The following ANKS1B variants were observed in gnomAD, a reference collection of about 807,000 sequenced individuals.
ANKS1B encodes ankyrin repeat and sterile alpha motif domain containing 1B.
A neutral mutation model predicts 148.3 loss-of-function variants in ANKS1B; 36 were observed. That is an observed-to-expected ratio of 0.24 (90% CI 0.19 to 0.32). ANKS1B has a LOEUF of 0.32. Ranked by LOEUF, ANKS1B falls within the 10% of genes least tolerant of loss-of-function variation. The pLI, the probability that ANKS1B is intolerant of heterozygous loss-of-function variation, is 1.00. For synonymous variants in ANKS1B, 542 were observed against 560.8 expected (o/e 0.97, Z 0.47); for missense variants, 1,157 against 1,542.6 (o/e 0.75, Z 4.19).
chr12:99,354,155 G>A (rs1191639033), intron 12 of ANKS1B, among the ~76,000 whole-genome samples: 1 of 151,908 alleles, frequency 6.6e-6, no homozygotes. Flanking sequence ...TTAATAAATG[G>A]GTCTATACAA....
At chr12:98,760,196 TC>T (rs760368223) in intron 25 of ANKS1B, among the ~76,000 whole-genome samples, 204 of 152,346 alleles carry the variant, frequency 1.3e-3, no homozygotes, top group Non-Finnish European at 2.4e-3. Flanking sequence ...ATGTTTACAG[TC>T]ATAAAATAAT....
intron 9 of ANKS1B, among the ~76,000 whole-genome samples, chr12:99,635,402 C>A (rs899230352): frequency 6.6e-6 from 1 of 152,094 alleles, no homozygotes; most frequent in African/African-American, 2.4e-5. Flanking sequence ...TATATACACA[C>A]AATGGAATAT....
chr12:99,524,997 G>T (rs538629948), intron 9 of ANKS1B, among the ~76,000 whole-genome samples: 3 of 152,252 alleles, frequency 2.0e-5, no homozygotes, highest in African/African-American at 4.8e-5. Flanking sequence ...GAAAAGGCAG[G>T]AAAACAGATT....
chr12:98,755,195 G>T (rs2098204670), intron 25 of ANKS1B, among the ~76,000 whole-genome samples: 1 of 152,126 alleles, frequency 6.6e-6, no homozygotes, highest in East Asian at 1.9e-4. Flanking sequence ...TTTTTTTGTA[G>T]GTTCAATTCT....
At chr12:99,602,546 T>G (rs1475572469) in intron 9 of ANKS1B, among the ~76,000 whole-genome samples, 1 of 152,112 alleles carries the variant, frequency 6.6e-6, no homozygotes, top group African/African-American at 2.4e-5. Flanking sequence ...GTGAAGACAG[T>G]GCAGGCAGTG....
At chr12:99,386,271 T>C (rs1375846005) in intron 12 of ANKS1B, 2 of 152,252 alleles carry the variant, frequency 1.3e-5, no homozygotes, top group African/African-American at 4.8e-5. Flanking sequence ...CCTACACATG[T>C]AAGTGAGAGT....
intron 12 of ANKS1B, among the ~76,000 whole-genome samples, chr12:99,321,312 AC>A (rs1241758570): frequency 1.3e-5 from 2 of 152,216 alleles, no homozygotes; most frequent in Admixed American, 1.3e-4. Flanking sequence ...GGTGGAGTCC[AC>A]AGAGGCAGGC....
Position 98,745,375 on chromosome 12 carries a change from CTT to C in ANKS1B, c.*362_*363del, listed in dbSNP as rs71305587. The C allele has an allele frequency of 0.021, 18,590 of 889,564 alleles. 14 individuals are homozygous for C. The highest frequency in any genetic ancestry group is 0.027 in the East Asian group (184 of 6,814). The allele number at this position is 889,564 out of a possible 1,614,324, so 55.1% of individuals were successfully genotyped here. On this transcript the variant is annotated 3_prime_UTR_variant, in exon 27 of 27. Coordinates refer to ENST00000683438, the MANE Select transcript of ANKS1B (RefSeq NM_001352186.2). ...TAGGCAGTATTAGAGATCCCCTTTA[CTT>C]TTTTTTTTTTTTTTTTTTTTTTAAA...
At chr12:99,721,623 CT>C (rs1231890900) in intron 8 of ANKS1B, among the ~76,000 whole-genome samples, 2 of 152,204 alleles carry the variant, frequency 1.3e-5, no homozygotes, top group African/African-American at 2.4e-5. Context: ...GGCCCCACCC[CT>C]ATCTCCCTTC....
At chr12:98,787,931 C>T (rs1167693524) in intron 22 of ANKS1B, among the ~76,000 whole-genome samples, 2 of 127,270 alleles carry the variant, frequency 1.6e-5, no homozygotes, top group Non-Finnish European at 3.4e-5. Flanking sequence ...CGGAGCAAGA[C>T]TCCATCTCCA....
chr12:99,656,102 A>G (rs1369679772), intron 8 of ANKS1B, among the ~76,000 whole-genome samples: 2 of 152,188 alleles, frequency 1.3e-5, no homozygotes, highest in African/African-American at 4.8e-5. Flanking sequence ...TTTTTGAAGA[A>G]GTTGAAGCAA....
rs1209682040 is a variant in ANKS1B, at chr12:98,751,313, C to T, written c.3747+42G>A. On this transcript the variant is annotated intron_variant, in intron 26 of 26. Transcript: ENST00000683438. This position sits in a 1 kb window ranked among gnomAD's most constrained non-coding sequence, Gnocchi z 4.3. ...GCCTGGTTAGCAGCCCCTTTTCCTCCTGTTCAAGGTTTTTTAGAACATCTG... is the reference window on the plus strand; with the variant it reads ...GCCTGGTTAGCAGCCCCTTTTCCTCTTGTTCAAGGTTTTTTAGAACATCTG... 6.3e-7 allele frequency: 1 copy of T among 1,598,184 alleles called. No homozygotes were observed. Among genetic ancestry groups the T allele is most frequent in the East Asian group, 2.2e-5 (1 of 44,706 alleles).
intron 15 of ANKS1B, among the ~76,000 whole-genome samples, chr12:99,085,270 T>C (rs2153629447): frequency 6.6e-6 from 1 of 152,212 alleles, no homozygotes; most frequent in African/African-American, 2.4e-5. Context: ...TTATCTGCAC[T>C]GGAGATTCAT....
At chr12:99,631,721 T>C (rs2098162936) in intron 9 of ANKS1B, among the ~76,000 whole-genome samples, 1 of 152,086 alleles carries the variant, frequency 6.6e-6, no homozygotes, top group Non-Finnish European at 1.5e-5. Flanking sequence ...AATTTCTAAG[T>C]AAAACATAAA....
At chr12:99,370,396 T>C (rs1008794011) in intron 12 of ANKS1B, among the ~76,000 whole-genome samples, 3 of 152,152 alleles carry the variant, frequency 2.0e-5, no homozygotes, top group African/African-American at 7.2e-5. Context: ...CCTGTCATCA[T>C]GGACCTACAA....
At chr12:99,815,239 A>G (rs188997307) in intron 2 of ANKS1B, among the ~76,000 whole-genome samples, 88 of 151,716 alleles carry the variant, frequency 5.8e-4, no homozygotes, top group African/African-American at 2.0e-3. Context: ...TTCATTCTTC[A>G]TTTATCAGGA....
At chr12:99,972,144 A>G (rs1047712334) in intron 1 of ANKS1B, among the ~76,000 whole-genome samples, 2 of 152,136 alleles carry the variant, frequency 1.3e-5, no homozygotes, top group Admixed American at 1.3e-4. Flanking sequence ...GGGCCTCCCT[A>G]TTCCCTCGGA....
chr12:99,362,466 A>G (rs7965320), intron 12 of ANKS1B, among the ~76,000 whole-genome samples: 68,604 of 151,732 alleles, frequency 0.45, 17,794 homozygotes, highest in African/African-American at 0.72. Flanking sequence ...AATATGACTT[A>G]AGAATTTAAA....
chr12:98,862,069 T>C lies in ANKS1B; in HGVS notation c.2779-29933A>G, dbSNP rs2099601922. Reference sequence around the variant, plus strand: ...TGATTTTAGAGTGACAGATTTGCCATATCAATTTCTAAAGGTAAGTGTTTG... The same window carrying C: ...TGATTTTAGAGTGACAGATTTGCCACATCAATTTCTAAAGGTAAGTGTTTG... On this transcript the variant is annotated intron_variant, in intron 17 of 26. Coordinates refer to ENST00000683438, the MANE Select transcript of ANKS1B (RefSeq NM_001352186.2). Among the ~76,000 whole-genome samples, 4 of 152,240 alleles carry C rather than the reference T, an allele frequency of 2.6e-5. No homozygotes were observed. The South Asian group carries it at 6.2e-4, about 24-fold the overall frequency.
Sources: allele counts gnomAD v4.1 joint callset (sites outside exome capture counted in the v4.1 genomes callset), GRCh38; gene constraint gnomAD v4.1.1; non-coding constraint Gnocchi (gnomAD v3.1); transcripts MANE v1.5; gene names NCBI Gene and HGNC (gene_info 2026-07-23, HGNC 2026-07-21).